ITGA1: variants seen among roughly 807,000 people sequenced by gnomAD.
The protein encoded by ITGA1 is integrin subunit alpha 1.
A neutral mutation model predicts 145.9 loss-of-function variants in ITGA1; 85 were observed. That is an observed-to-expected ratio of 0.58 (90% CI 0.49 to 0.70). The LOEUF is 0.70. ITGA1 is among the 30% of genes least tolerant of loss of function. ITGA1 has a pLI of 0.00. For synonymous variants in ITGA1, 520 were observed against 495.3 expected (o/e 1.05, Z -0.66); for missense variants, 1,351 against 1,418.7 (o/e 0.95, Z 0.77).
At chr5:52,867,008 T>A (rs1056000520) in intron 6 of ITGA1, 5 of 150,200 alleles carry the variant, frequency 3.3e-5, no homozygotes, top group African/African-American at 1.2e-4. Context: ...ATCAATACAG[T>A]GATCTTCCTT....
intron 1 of ITGA1, among the ~76,000 whole-genome samples, chr5:52,820,488 G>A (rs1331945430): frequency 1.1e-4 from 16 of 147,956 alleles, no homozygotes; most frequent in African/African-American, 3.8e-4. Context: ...AAACCTGCAC[G>A]TTGTGCACAT....
chr5:52,883,847 A>G (rs1216610734), intron 7 of ITGA1, among the ~76,000 whole-genome samples: 6 of 152,332 alleles, frequency 3.9e-5, no homozygotes, highest in African/African-American at 9.6e-5. Flanking sequence ...TAAGGAATGT[A>G]GTTGAAACAG....
intron 17 of ITGA1, among the ~76,000 whole-genome samples, chr5:52,922,419 G>A (rs754436070): frequency 1.3e-5 from 2 of 152,142 alleles, no homozygotes; most frequent in African/African-American, 2.4e-5. Context: ...AAATGTTCCC[G>A]GAAGTGTTAC....
rs1749678512 is a variant in ITGA1 at position 52,865,803 on chromosome 5, C to T, written c.610C>T (p.Pro204Ser). The T allele has an allele frequency of 6.3e-7, 1 of 1,590,360 alleles. No individual in the cohort carries two copies. Among genetic ancestry groups the T allele is most frequent in the African/African-American group, 1.4e-5 (1 of 73,070 alleles). Reference sequence around the variant, plus strand: ...CCTTCTTGAAAGAATGGATATTGGTCCTAAACAGACACAGGTATGTGACTT... The same window carrying T: ...CCTTCTTGAAAGAATGGATATTGGTTCTAAACAGACACAGGTATGTGACTT... ...NDLLERMDIG[P>S]KQTQVGIVQY... is the part of the protein sequence containing the mutation. The change falls in exon 6 of 29, where the codon CCT becomes TCT. Residue 204 changes from proline (P) to serine (S), a missense_variant. Transcript: ENST00000282588.
chr5:52,910,121 A>G (rs1418618115), intron 13 of ITGA1, 41 bp from the exon 14 acceptor site: 1 of 1,569,902 alleles, frequency 6.4e-7, no homozygotes, highest in Non-Finnish European at 8.7e-7. Flanking sequence ...TGCTGTAGTA[A>G]TGATGGAAAT....
chr5:52,809,073 T>A (rs2111681326), intron 1 of ITGA1, among the ~76,000 whole-genome samples: 1 of 152,348 alleles, frequency 6.6e-6, no homozygotes, highest in African/African-American at 2.4e-5. Context: ...TTGCTGAGAC[T>A]CAAACTCAGT....
Position 52,864,999 on chromosome 5 carries a change from G to T in ITGA1, c.413G>T (p.Cys138Phe). 6.2e-7 allele frequency: 1 copy of T among 1,613,500 alleles called. No homozygotes were observed. Among genetic ancestry groups the T allele is most frequent in the Non-Finnish European group, 8.5e-7 (1 of 1,179,774 alleles). ...TGTGGGCCCTTATATGCCTATAGAT[G>T]TGGACATTTGCATTACACAACTGGA... ...LACGPLYAYR[C>F]GHLHYTTGIC... Residue 138 changes from cysteine to phenylalanine, a missense_variant, in exon 5 of 29, where the codon TGT (cysteine) becomes TTT (phenylalanine). Physicochemically the swap from Cys to Phe is radical, Grantham distance 205. Transcript: ENST00000282588.
At chr5:52,813,433 C>T (rs925568417) in intron 1 of ITGA1, among the ~76,000 whole-genome samples, 4 of 152,138 alleles carry the variant, frequency 2.6e-5, no homozygotes, top group African/African-American at 9.7e-5. Flanking sequence ...CTTACTATTT[C>T]TCAGTTACTT....
In ITGA1 at chr5:52,908,809, G is replaced by A. The variant is rs567089463; in HGVS notation, c.1456-89G>A. 7.7e-6 allele frequency: 11 copies of A among 1,435,198 alleles called. No individual in the cohort carries two copies. In the East Asian group the frequency reaches 2.6e-4, roughly 33 times the overall value. The allele number at this position is 1,435,198 out of a possible 1,614,324, so 88.9% of individuals were successfully genotyped here. ...CCTTTGCCAACTAGCTCCTCTTCTA[G>A]ATTGCTAGAAGTAAAACAAATGTAG... On this transcript the variant is annotated intron_variant, in intron 12 of 28. Transcript: ENST00000282588.
chr5:52,947,008 G>A (rs555764272), intron 27 of ITGA1, among the ~76,000 whole-genome samples: 8 of 152,272 alleles, frequency 5.3e-5, no homozygotes, highest in African/African-American at 1.9e-4. Context: ...ATACAGTAGT[G>A]TACTAATTAA....
At position 52,925,395 on chromosome 5, in the gene ITGA1, G is replaced by T; in HGVS notation, c.2521G>T (p.Val841Phe). 6.2e-7 allele frequency: 1 copy of T among 1,614,030 alleles called. No homozygotes were observed. Among genetic ancestry groups the T allele is most frequent in the Non-Finnish European group, 8.5e-7 (1 of 1,179,886 alleles). The change falls in exon 19 of 29, where the codon GTT becomes TTT. Residue 841 changes from valine to phenylalanine, a missense_variant. Coordinates refer to ENST00000282588, the MANE Select transcript of ITGA1 (RefSeq NM_181501.2). ...CCGATCCCAGAATGATAAGTTCAAC[G>T]TTAGCCTCACAGTCAAAAATACAAA... ...IVRSQNDKFN[V>F]SLTVKNTKDS... is the part of the protein sequence containing the mutation.
At chr5:52,815,323 A>T (rs1748747933) in intron 1 of ITGA1, among the ~76,000 whole-genome samples, 1 of 152,160 alleles carries the variant, frequency 6.6e-6, no homozygotes, top group Non-Finnish European at 1.5e-5. Flanking sequence ...GGAGCCTGGG[A>T]TGGGGGAAAA....
At chr5:52,896,003 A>C (rs1471757105) in intron 9 of ITGA1, among the ~76,000 whole-genome samples, 2 of 152,194 alleles carry the variant, frequency 1.3e-5, no homozygotes, top group Non-Finnish European at 2.9e-5. Flanking sequence ...CCATCTATTG[A>C]GGCAAGTATG....
chr5:52,890,345 C>T (rs1482799632), intron 8 of ITGA1, among the ~76,000 whole-genome samples: 1 of 152,136 alleles, frequency 6.6e-6, no homozygotes, highest in Non-Finnish European at 1.5e-5. Context: ...ACTTTTAAAA[C>T]TTAATACTAT....
At chr5:52,861,089 A>G (rs1218536276) in intron 2 of ITGA1, among the ~76,000 whole-genome samples, 5 of 152,138 alleles carry the variant, frequency 3.3e-5, no homozygotes, top group Non-Finnish European at 7.4e-5. Flanking sequence ...GTACCCCAAT[A>G]AAAAATATGA....
At chr5:52,879,566 A>G (rs565849277) in intron 6 of ITGA1, among the ~76,000 whole-genome samples, 48 of 152,324 alleles carry the variant, frequency 3.2e-4, no homozygotes, top group African/African-American at 1.1e-3. Context: ...AGGGTCATTG[A>G]AGAAAAGAAT....
At chr5:52,824,700 C>T (rs1207167124) in intron 1 of ITGA1, 5 of 152,088 alleles carry the variant, frequency 3.3e-5, no homozygotes, top group Non-Finnish European at 7.4e-5. Context: ...TTACACAATC[C>T]TCTATTAGCC....
At chr5:52,843,490 A>G (rs1189729922) in intron 1 of ITGA1, among the ~76,000 whole-genome samples, 1 of 152,172 alleles carries the variant, frequency 6.6e-6, no homozygotes, top group African/African-American at 2.4e-5. Flanking sequence ...CAAAGACAGA[A>G]TTTCTTTATT....
chr5:52,861,376 C>T, intron 2 of ITGA1, 71 bp from the exon 3 acceptor site: 1 of 849,068 alleles, frequency 1.2e-6, no homozygotes, highest in Admixed American at 2.1e-5. Flanking sequence ...ATCTTAAAAT[C>T]AGTCATAAAA....
Sources: gnomAD v4.1 joint callset for allele counts (sites outside exome capture counted in the v4.1 genomes callset) on GRCh38, gnomAD v4.1.1 for gene constraint, MANE v1.5 for transcripts, NCBI Gene and HGNC (gene_info 2026-07-23, HGNC 2026-07-21) for gene names.